EHBP1: variants seen among roughly 807,000 people sequenced by gnomAD.
The protein encoded by EHBP1 is EH domain binding protein 1.
A neutral mutation model predicts 144.0 loss-of-function variants in EHBP1; 55 were observed. That is an observed-to-expected ratio of 0.38 (90% CI 0.31 to 0.48). EHBP1 has a LOEUF of 0.48. EHBP1 is among the 20% of genes least tolerant of loss of function. The pLI is 0.98. For synonymous variants in EHBP1, 469 were observed against 472.7 expected (o/e 0.99, Z 0.10); for missense variants, 1,200 against 1,364.2 (o/e 0.88, Z 1.90).
chr2:63,009,260 C>G (rs550009125), intron 19 of EHBP1, among the ~76,000 whole-genome samples: 1 of 151,748 alleles, frequency 6.6e-6, no homozygotes, highest in South Asian at 2.1e-4. Flanking sequence ...GAGACCTCTG[C>G]TTCTCTTCTG....
intron 20 of EHBP1, among the ~76,000 whole-genome samples, chr2:63,038,449 T>G (rs1477148590): frequency 6.6e-6 from 1 of 152,140 alleles, no homozygotes; most frequent in Non-Finnish European, 1.5e-5. Flanking sequence ...GAAAAATATT[T>G]TAGAAAATAG....
At chr2:63,024,132 T>C (rs1466516657) in intron 19 of EHBP1, among the ~76,000 whole-genome samples, 1 of 151,970 alleles carries the variant, frequency 6.6e-6, no homozygotes, top group Non-Finnish European at 1.5e-5. Context: ...GATCATGAGG[T>C]CAGGAGTTCG....
chr2:62,791,285 C>A (rs1349419603), intron 5 of EHBP1, among the ~76,000 whole-genome samples: 8 of 151,918 alleles, frequency 5.3e-5, no homozygotes, highest in African/African-American at 1.5e-4. Context: ...AAGAAAAAAA[C>A]CATTTGTAAT....
intron 19 of EHBP1, among the ~76,000 whole-genome samples, chr2:63,037,190 T>A (rs2061475916): frequency 2.0e-5 from 3 of 152,064 alleles, no homozygotes; most frequent in Admixed American, 1.3e-4. Context: ...TAATTTTTTT[T>A]AATCATGACC....
intron 10 of EHBP1, among the ~76,000 whole-genome samples, chr2:62,936,611 T>C (rs1253701452): frequency 6.6e-6 from 1 of 152,118 alleles, no homozygotes; most frequent in African/African-American, 2.4e-5. Context: ...AGAGTTTCAC[T>C]TACTCTCTAG....
At chr2:62,775,552 C>T (rs2041998582) in intron 5 of EHBP1, among the ~76,000 whole-genome samples, 1 of 152,126 alleles carries the variant, frequency 6.6e-6, no homozygotes, top group African/African-American at 2.4e-5. Context: ...AATGTTGAGA[C>T]TTTAACCGTA....
chr2:62,745,296 A>C (rs1177880109), intron 2 of EHBP1, among the ~76,000 whole-genome samples: 1 of 152,062 alleles, frequency 6.6e-6, no homozygotes, highest in African/African-American at 2.4e-5. Context: ...CTTACAATGC[A>C]AGGTGTATAG....
intron 10 of EHBP1, among the ~76,000 whole-genome samples, chr2:62,877,196 G>A (rs890744379): frequency 1.6e-4 from 24 of 152,024 alleles, no homozygotes; most frequent in Non-Finnish European, 2.8e-4. Context: ...AAAAGAGGAG[G>A]GGTTGCTATT....
At chr2:62,708,987 T>C (rs2034863209) in intron 2 of EHBP1, among the ~76,000 whole-genome samples, 1 of 152,098 alleles carries the variant, frequency 6.6e-6, no homozygotes, top group South Asian at 2.1e-4. Context: ...ATAAATGATT[T>C]GGGGATTATT....
chr2:63,040,364 C>G (rs2061607493), intron 21 of EHBP1, among the ~76,000 whole-genome samples: 1 of 151,932 alleles, frequency 6.6e-6, no homozygotes, highest in Non-Finnish European at 1.5e-5. Context: ...GGTTCTAACC[C>G]CAAAACCAAT....
intron 10 of EHBP1, among the ~76,000 whole-genome samples, chr2:62,877,544 AT>A (rs1165797901): frequency 6.6e-6 from 1 of 152,246 alleles, no homozygotes; most frequent in Non-Finnish European, 1.5e-5. Context: ...CAGAATGTAC[AT>A]TATTTTCATC....
At position 62,979,195 on chromosome 2, in the gene EHBP1, A is replaced by T. The variant is rs374098626; in HGVS notation, c.2468A>T (p.Asp823Val). The T allele has an allele frequency of 4.4e-5, 71 of 1,612,772 alleles. No individual in the cohort carries two copies. Among genetic ancestry groups the T allele is most frequent in the Non-Finnish European group, 5.8e-5 (68 of 1,179,456 alleles). The change falls in exon 15 of 23, where the codon GAT (aspartate) becomes GTT (valine). Residue 823 changes from aspartate (D) to valine (V), a missense_variant. By Grantham distance (152) the Asp-to-Val change is radical. Coordinates refer to ENST00000431489, the MANE Select transcript of EHBP1 (RefSeq NM_001142616.3). Reference protein sequence around the residue: ...FCNRQLSDQQDEERRRQLRER... With the variant: ...FCNRQLSDQQVEERRRQLRER... Reference sequence around the variant, plus strand: ...CTGTTCAATATATCTTAGCAGCAAGATGAAGAGCGACGTCGGCAGCTGAGA... The same window carrying T: ...CTGTTCAATATATCTTAGCAGCAAGTTGAAGAGCGACGTCGGCAGCTGAGA...
intron 14 of EHBP1, among the ~76,000 whole-genome samples, chr2:62,976,160 A>C (rs1031279886): frequency 7.9e-5 from 12 of 152,128 alleles, no homozygotes; most frequent in Non-Finnish European, 1.2e-4. Flanking sequence ...CACTGATTCA[A>C]TTCATTGCAG....
At chr2:62,999,273 T>C (rs952504446) in intron 19 of EHBP1, among the ~76,000 whole-genome samples, 7 of 152,192 alleles carry the variant, frequency 4.6e-5, no homozygotes, top group African/African-American at 1.7e-4. Context: ...CTTTATCTGC[T>C]ATTTCAGTTT....
At chr2:63,021,228 G>A (rs937162042) in intron 19 of EHBP1, among the ~76,000 whole-genome samples, 27 of 151,680 alleles carry the variant, frequency 1.8e-4, no homozygotes, top group African/African-American at 1.5e-4. Context: ...TACTCTCTCC[G>A]TCTCTCCCTC....
intron 19 of EHBP1, among the ~76,000 whole-genome samples, chr2:63,028,331 A>G (rs1191897257): frequency 6.6e-6 from 1 of 152,212 alleles, no homozygotes; most frequent in Non-Finnish European, 1.5e-5. Flanking sequence ...TATAGAGTGG[A>G]AAAGAAACTT....
At chr2:62,747,557 T>G in intron 3 of EHBP1, 105 bp downstream of exon 3, 13 of 903,422 alleles carry the variant, frequency 1.4e-5, no homozygotes, top group Non-Finnish European at 2.2e-5. Flanking sequence ...TGTTTTGTTT[T>G]TTTTTCTTGA....
rs115123154 is a variant in EHBP1, at chr2:62,745,038, A to G, written c.105-2357A>G. ...TTTTATTTTAATGTGCAGCAAGAAT[A>G]AGGATCCCTGCAAAGCTTGGATGAG... On this transcript the variant is annotated intron_variant, in intron 2 of 22. Transcript: ENST00000431489. Among the ~76,000 whole-genome samples, 436 of 152,246 alleles carry G rather than the reference A, an allele frequency of 2.9e-3. 2 individuals carry two copies. Among genetic ancestry groups the G allele is most frequent in the African/African-American group, 9.5e-3 (396 of 41,574 alleles).
At chr2:62,993,065 G>A (rs1313863298) in intron 16 of EHBP1, among the ~76,000 whole-genome samples, 1 of 152,124 alleles carries the variant, frequency 6.6e-6, no homozygotes, top group African/African-American at 2.4e-5. Flanking sequence ...GCTGTAAAGG[G>A]CTTACTTACA....
Sources: allele counts gnomAD v4.1 joint callset (sites outside exome capture counted in the v4.1 genomes callset), GRCh38; gene constraint gnomAD v4.1.1; transcripts MANE v1.5; gene names NCBI Gene and HGNC (gene_info 2026-07-23, HGNC 2026-07-21).